The following MAGI2 variants were observed in gnomAD, a reference collection of about 807,000 sequenced individuals.
MAGI2 encodes the protein membrane-associated guanylate kinase, WW and PDZ domain-containing protein 2.
A neutral mutation model predicts 133.3 loss-of-function variants in MAGI2; 35 were observed. The observed-to-expected ratio is 0.26, with a 90% confidence interval of 0.20 to 0.35. The LOEUF is 0.35. Among genes scored for constraint, MAGI2 ranks in the 10% least tolerant of loss-of-function variants. The pLI, the probability that MAGI2 is intolerant of heterozygous loss-of-function variation, is 1.00. For synonymous variants in MAGI2, 729 were observed against 710.6 expected, an observed-to-expected ratio of 1.03 and a Z score of -0.41; for missense variants, 1,636 against 1,863.4, an observed-to-expected ratio of 0.88 and a Z score of 2.25.
chr7:78,914,587 A>G, intron 2 of MAGI2, among the ~76,000 whole-genome samples: 1 of 152,160 alleles, frequency 6.6e-6, no homozygotes, highest in East Asian at 1.9e-4. Flanking sequence ...CGATCAATCA[A>G]ATTGACACCT....
chr7:79,010,408 T>C (rs1163059180), intron 1 of MAGI2, among the ~76,000 whole-genome samples: 1 of 152,088 alleles, frequency 6.6e-6, no homozygotes, highest in African/African-American at 2.4e-5. Flanking sequence ...AGAGTCTGAG[T>C]CTCAAAATGA....
intron 3 of MAGI2, among the ~76,000 whole-genome samples, chr7:78,573,577 C>A (rs1311997697): frequency 6.7e-6 from 1 of 148,494 alleles, no homozygotes; most frequent in East Asian, 2.0e-4. Flanking sequence ...TTCTTTGAAG[C>A]CCTTCATTTA....
At chr7:78,639,616 C>T (rs1584932177) in intron 2 of MAGI2, among the ~76,000 whole-genome samples, 1 of 152,178 alleles carries the variant, frequency 6.6e-6, no homozygotes, top group East Asian at 1.9e-4. Context: ...ATTCACAACT[C>T]AGCTTCCTTA....
In MAGI2 at chr7:78,132,737, C is replaced by A. The variant is rs191628123; in HGVS notation, c.3203+152G>T. The A allele has an allele frequency of 1.9e-3, 2,162 of 1,134,634 alleles. 7 individuals are homozygous for A. Among genetic ancestry groups the A allele is most frequent in the Middle Eastern group, 0.01 (44 of 4,382 alleles). The allele number at this position is 1,134,634 out of a possible 1,614,324, so 70.3% of individuals were successfully genotyped here. On this transcript the variant is annotated intron_variant, in intron 18 of 21. Transcript: ENST00000354212. Reference sequence around the variant, plus strand: ...TTTACTAATAAAACCATATCTATAACACACACAACCTCGAAATCACACAAA... The same window carrying A: ...TTTACTAATAAAACCATATCTATAAAACACACAACCTCGAAATCACACAAA...
chr7:78,988,860 G>T (rs1223417928), intron 2 of MAGI2, among the ~76,000 whole-genome samples: 2 of 151,986 alleles, frequency 1.3e-5, no homozygotes, highest in Non-Finnish European at 2.9e-5. Flanking sequence ...ATACGTTAGC[G>T]CTAGGAGGAA....
intron 2 of MAGI2, among the ~76,000 whole-genome samples, chr7:78,749,082 G>A (rs748026007): frequency 1.7e-4 from 26 of 152,286 alleles, no homozygotes; most frequent in Non-Finnish European, 2.8e-4. Context: ...ATACAAGCAA[G>A]AAAACAGTTT....
chr7:79,224,670 A>T (rs892596346), intron 1 of MAGI2, among the ~76,000 whole-genome samples: 6 of 150,966 alleles, frequency 4.0e-5, no homozygotes, highest in Non-Finnish European at 8.8e-5. Flanking sequence ...ATGCAACAAC[A>T]TGGGTGACTC....
At chr7:79,160,267 T>TA (rs1239231763) in intron 1 of MAGI2, among the ~76,000 whole-genome samples, 1 of 152,024 alleles carries the variant, frequency 6.6e-6, no homozygotes, top group African/African-American at 2.4e-5. Context: ...TTCCTCTAGT[T>TA]AAAAAACTAC....
intron 2 of MAGI2, among the ~76,000 whole-genome samples, chr7:78,804,807 C>T (rs982420842): frequency 6.6e-6 from 1 of 150,834 alleles, no homozygotes; most frequent in Non-Finnish European, 1.5e-5. Context: ...GTGGCTCCTG[C>T]CTGTAATCCC....
chr7:79,230,893 C>T (rs974132323), intron 1 of MAGI2, among the ~76,000 whole-genome samples: 6 of 137,338 alleles, frequency 4.4e-5, no homozygotes, highest in East Asian at 2.1e-4. Flanking sequence ...ATGGTAATGC[C>T]TAGGTTTTCT....
rs781084021 is a variant in MAGI2 at position 78,521,471 on chromosome 7, T to C, written c.713A>G (p.Glu238Gly). ...TCCATTTCCATTGACCACAGGCCTCTCTTCCTCTTCCTCCTCAGGAGGCTC... is the reference window on the plus strand; with the variant it reads ...TCCATTTCCATTGACCACAGGCCTCCCTTCCTCTTCCTCCTCAGGAGGCTC... ...SIEPPEEEEE[E>G]RPVVNGNGVV... Residue 238 changes from glutamate (E) to glycine (G), a missense_variant, in exon 4 of 22, where the codon GAG (glutamate) becomes GGG (glycine). Physicochemically the swap from Glu to Gly is moderately conservative, Grantham distance 98. Coordinates refer to ENST00000354212, the MANE Select transcript of MAGI2 (RefSeq NM_012301.4). The C allele has an allele frequency of 6.2e-7, 1 of 1,614,130 alleles. No homozygotes were observed. Among genetic ancestry groups the C allele is most frequent in the South Asian group, 1.1e-5 (1 of 91,078 alleles).
intron 3 of MAGI2, chr7:78,615,551 C>G (rs752884874): frequency 7.9e-5 from 12 of 152,206 alleles, no homozygotes; most frequent in Non-Finnish European, 1.8e-4. Flanking sequence ...ATGGACCAGC[C>G]AAAAGGGAAC....
intron 9 of MAGI2, among the ~76,000 whole-genome samples, chr7:78,297,661 T>G (rs368761618): frequency 1.3e-4 from 19 of 151,934 alleles, no homozygotes; most frequent in African/African-American, 3.1e-4. Context: ...AAAAAATGAT[T>G]AGTTCATGTC....
chr7:79,426,063 C>T (rs567248692), intron 1 of MAGI2, among the ~76,000 whole-genome samples: 3 of 152,082 alleles, frequency 2.0e-5, no homozygotes, highest in Admixed American at 6.6e-5. Context: ...TGTCTTGATC[C>T]CAAACTGAGA....
At chr7:79,103,867 T>A (rs1818208613) in intron 1 of MAGI2, among the ~76,000 whole-genome samples, 1 of 33,698 alleles carries the variant, frequency 3.0e-5, no homozygotes, top group East Asian at 7.1e-4. Flanking sequence ...ACCTGGCTAA[T>A]TTTTTTTATA....
intron 2 of MAGI2, among the ~76,000 whole-genome samples, chr7:78,784,323 A>C (rs750692918): frequency 2.0e-5 from 3 of 152,060 alleles, no homozygotes; most frequent in Non-Finnish European, 4.4e-5. Context: ...CAGCCTCAGA[A>C]CCAGGGCCTC....
intron 2 of MAGI2, among the ~76,000 whole-genome samples, chr7:78,784,051 G>C (rs1826610700): frequency 6.6e-6 from 1 of 152,144 alleles, no homozygotes; most frequent in Non-Finnish European, 1.5e-5. Context: ...CGTTGACATA[G>C]TGTATCAGGG....
At chr7:79,123,704 T>C (rs1820117677) in intron 1 of MAGI2, among the ~76,000 whole-genome samples, 1 of 140,428 alleles carries the variant, frequency 7.1e-6, no homozygotes, top group East Asian at 2.1e-4. Flanking sequence ...GAGAATCGCT[T>C]GAACCCGGGA....
At chr7:78,663,098 A>G (rs1166596197) in intron 2 of MAGI2, among the ~76,000 whole-genome samples, 2 of 152,056 alleles carry the variant, frequency 1.3e-5, no homozygotes, top group Non-Finnish European at 2.9e-5. Context: ...CATTTTGAAC[A>G]CACAAGCATG....
Sources: allele counts gnomAD v4.1 joint callset (sites outside exome capture counted in the v4.1 genomes callset), GRCh38; gene constraint gnomAD v4.1.1; transcripts MANE v1.5; gene names NCBI Gene and HGNC (gene_info 2026-07-23, HGNC 2026-07-21).